DPP10: variants seen among roughly 807,000 people sequenced by gnomAD.
The protein encoded by DPP10 is inactive dipeptidyl peptidase 10.
A neutral mutation model predicts 120.9 loss-of-function variants in DPP10; 33 were observed. That is an observed-to-expected ratio of 0.27 (90% CI 0.21 to 0.37). The LOEUF is 0.37. Among genes scored for constraint, DPP10 ranks in the 10% least tolerant of loss-of-function variants. The pLI, the probability that DPP10 is intolerant of heterozygous loss-of-function variation, is 1.00. For synonymous variants in DPP10, 337 were observed against 326.1 expected (o/e 1.03, Z -0.36); for missense variants, 816 against 942.8 (o/e 0.87, Z 1.76).
At chr2:114,451,645 T>A (rs1678280990) in intron 1 of DPP10, among the ~76,000 whole-genome samples, 1 of 151,944 alleles carries the variant, frequency 6.6e-6, no homozygotes, top group South Asian at 2.1e-4. Context: ...GGCAAATGAT[T>A]AGGAGGGGTG....
chr2:114,445,175 A>G (rs1386499047), intron 1 of DPP10, among the ~76,000 whole-genome samples: 1 of 152,168 alleles, frequency 6.6e-6, no homozygotes, highest in East Asian at 1.9e-4. Context: ...TTTAAAGTTA[A>G]TTTTATTCCT....
chr2:114,978,706 G>T (rs1699899957), intron 1 of DPP10, among the ~76,000 whole-genome samples: 1 of 151,922 alleles, frequency 6.6e-6, no homozygotes, highest in South Asian at 2.1e-4. Flanking sequence ...ATAGGAGTTG[G>T]GTTCATTCCC....
intron 5 of DPP10, among the ~76,000 whole-genome samples, chr2:115,597,158 A>C (rs1321935522): frequency 6.6e-6 from 1 of 152,116 alleles, no homozygotes; most frequent in African/African-American, 2.4e-5. Context: ...GAGACAGTGC[A>C]ATGTTTCCAC....
chr2:115,455,945 A>G (rs1329357704), intron 3 of DPP10, among the ~76,000 whole-genome samples: 2 of 152,206 alleles, frequency 1.3e-5, no homozygotes, highest in Non-Finnish European at 2.9e-5. Flanking sequence ...AGCAATGGCA[A>G]CAAAAGCCAC....
rs142235713 is a variant in DPP10, at chr2:114,906,118, C to G, written c.61-403121C>G. Among the ~76,000 whole-genome samples, 1,169 of 152,184 alleles carry G rather than the reference C, an allele frequency of 7.7e-3. 7 individuals carry two copies. Among genetic ancestry groups the G allele is most frequent in the African/African-American group, 0.027 (1,109 of 41,512 alleles). On this transcript the variant is annotated intron_variant, in intron 1 of 25. Transcript: ENST00000410059. ...CCTGGGCCGGGCACGGGGGCTCACA[C>G]CTGTAATCCCAGCACTTTGGGAGGC...
At chr2:115,100,975 C>CT (rs1350263082) in intron 1 of DPP10, among the ~76,000 whole-genome samples, 2 of 152,152 alleles carry the variant, frequency 1.3e-5, no homozygotes, top group African/African-American at 4.8e-5. Flanking sequence ...AGAACTTATT[C>CT]TTACAGTTGT....
chr2:115,083,430 C>T (rs1708437208), intron 1 of DPP10, among the ~76,000 whole-genome samples: 1 of 152,162 alleles, frequency 6.6e-6, no homozygotes, highest in Admixed American at 6.5e-5. Flanking sequence ...TGCTGGCTGG[C>T]TATTCCTCTA....
At chr2:114,966,614 TCAGGTATTCTGTTACAG>T (rs1418843920) in intron 1 of DPP10, among the ~76,000 whole-genome samples, 1 of 152,176 alleles carries the variant, frequency 6.6e-6, no homozygotes, top group Non-Finnish European at 1.5e-5. Flanking sequence ...CAGCCCAGTC[TCAGGTATTCTGTTACAG>T]CAACACACAT....
chr2:115,229,082 T>A (rs1448121207), intron 1 of DPP10, among the ~76,000 whole-genome samples: 3 of 152,130 alleles, frequency 2.0e-5, no homozygotes, highest in African/African-American at 7.2e-5. Context: ...AACTGGGATG[T>A]GATGATATCT....
At chr2:114,450,130 GGCTTCATATGATCTCTGT>G (rs1346985118) in intron 1 of DPP10, among the ~76,000 whole-genome samples, 1 of 151,986 alleles carries the variant, frequency 6.6e-6, no homozygotes, top group Admixed American at 6.6e-5. Context: ...AATAAATATA[GGCTTCATATGATCTCTGT>G]GCTTCTAGAC....
chr2:115,059,084 C>T (rs1409486082), intron 1 of DPP10, among the ~76,000 whole-genome samples: 1 of 151,974 alleles, frequency 6.6e-6, no homozygotes, highest in African/African-American at 2.4e-5. Flanking sequence ...CTGAGGGTTC[C>T]ACCTAAGGGT....
intron 1 of DPP10, among the ~76,000 whole-genome samples, chr2:114,544,448 T>A (rs971415059): frequency 1.3e-5 from 2 of 152,168 alleles, no homozygotes; most frequent in African/African-American, 4.8e-5. Flanking sequence ...AGGTCCAAAA[T>A]AGGCAATTTC....
At chr2:114,593,257 A>G (rs1691613836) in intron 1 of DPP10, among the ~76,000 whole-genome samples, 1 of 152,194 alleles carries the variant, frequency 6.6e-6, no homozygotes, top group African/African-American at 2.4e-5. Flanking sequence ...ACGGTAATAT[A>G]GAAACTGTAA....
chr2:115,034,426 T>A (rs943502982), intron 1 of DPP10, among the ~76,000 whole-genome samples: 10 of 152,160 alleles, frequency 6.6e-5, no homozygotes, highest in African/African-American at 2.4e-4. Flanking sequence ...CACCTCAGCA[T>A]GGGATTCGTA....
intron 13 of DPP10, among the ~76,000 whole-genome samples, chr2:115,771,897 G>A (rs887471627): frequency 6.6e-6 from 1 of 152,088 alleles, no homozygotes; most frequent in African/African-American, 2.4e-5. Context: ...TTATCAGTAA[G>A]TAGATAAAAA....
chr2:115,760,165 T>C (rs1246995052), intron 11 of DPP10, among the ~76,000 whole-genome samples: 1 of 152,218 alleles, frequency 6.6e-6, no homozygotes, highest in Non-Finnish European at 1.5e-5. Flanking sequence ...AAGTAGAGAC[T>C]ATTTAATTGT....
intron 1 of DPP10, among the ~76,000 whole-genome samples, chr2:114,987,804 C>CCTTTTTTTTTTTTTT (rs1700496547): frequency 9.9e-6 from 1 of 101,034 alleles, no homozygotes; most frequent in South Asian, 3.7e-4. Flanking sequence ...TGGAGACTGT[C>CCTTTTTTTTTTTTTT]TTTTTTTTTT....
chr2:115,677,330 G>T (rs1004544163), intron 5 of DPP10, among the ~76,000 whole-genome samples: 2 of 152,054 alleles, frequency 1.3e-5, no homozygotes, highest in African/African-American at 4.8e-5. Context: ...TCAACAAACT[G>T]CAAAGATAAG....
At chr2:115,391,453 T>A (rs185238716) in intron 3 of DPP10, among the ~76,000 whole-genome samples, 1 of 152,130 alleles carries the variant, frequency 6.6e-6, no homozygotes, top group East Asian at 1.9e-4. Context: ...AAGGAAAGGA[T>A]TTTGAAGTAG....
Sources: allele counts gnomAD v4.1 joint callset (sites outside exome capture counted in the v4.1 genomes callset), GRCh38; gene constraint gnomAD v4.1.1; transcripts MANE v1.5; gene names NCBI Gene and HGNC (gene_info 2026-07-23, HGNC 2026-07-21).